Variants in OPCML observed in about 807,000 individuals in gnomAD.
OPCML encodes the protein opioid binding protein/cell adhesion molecule like.
OPCML carries 13 observed loss-of-function variants against 37.8 expected under a neutral mutation model. That is an observed-to-expected ratio of 0.34 (90% confidence interval 0.22 to 0.55). The LOEUF (loss-of-function observed/expected upper bound fraction) is 0.55. Among genes scored for constraint, OPCML ranks in the 20% least tolerant of loss-of-function variants. The pLI, the probability that OPCML is intolerant of heterozygous loss-of-function variation, is 0.91. For synonymous variants in OPCML, 176 were observed against 168.8 expected, an observed-to-expected ratio of 1.04 and a Z score of -0.33; for missense variants, 341 against 435.6, an observed-to-expected ratio of 0.78 and a Z score of 1.93.
chr11:133,182,495 G>C (rs559081505), intron 1 of OPCML, among the ~76,000 whole-genome samples: 2 of 152,158 alleles, frequency 1.3e-5, no homozygotes, highest in Non-Finnish European at 2.9e-5. Flanking sequence ...GGAAAAAAAG[G>C]AAGAGACAAT....
intron 1 of OPCML, among the ~76,000 whole-genome samples, chr11:132,944,863 T>A (rs1945711464): frequency 6.6e-6 from 1 of 152,232 alleles, no homozygotes; most frequent in Non-Finnish European, 1.5e-5. Flanking sequence ...TCTGCTCTAC[T>A]GTATTTTCTC....
At chr11:132,579,532 CA>C (rs1161717490) in intron 3 of OPCML, among the ~76,000 whole-genome samples, 2 of 151,974 alleles carry the variant, frequency 1.3e-5, no homozygotes, top group Non-Finnish European at 2.9e-5. Context: ...GCAGAAATGC[CA>C]AGGAAAACCC....
At chr11:132,556,329 T>C (rs1442609847) in intron 3 of OPCML, among the ~76,000 whole-genome samples, 1 of 152,170 alleles carries the variant, frequency 6.6e-6, no homozygotes, top group Admixed American at 6.5e-5. Context: ...TAGGGGTCTA[T>C]CTTACTTGAT....
intron 3 of OPCML, among the ~76,000 whole-genome samples, chr11:132,592,006 G>C (rs2096485231): frequency 6.6e-6 from 1 of 152,216 alleles, no homozygotes; most frequent in Non-Finnish European, 1.5e-5. Flanking sequence ...AGAAAGTATA[G>C]ATTCTGTTTC....
chr11:132,976,296 G>C (rs1946462760), intron 1 of OPCML, among the ~76,000 whole-genome samples: 1 of 152,176 alleles, frequency 6.6e-6, no homozygotes, highest in Non-Finnish European at 1.5e-5. Context: ...AATGAGGTGG[G>C]GGGAGGGGTT....
rs140133266 is a variant in OPCML at position 133,435,586 on chromosome 11, A to G, written c.61+96678T>C. On this transcript the variant is annotated intron_variant, in intron 1 of 7. Transcript: ENST00000524381. ...CTCATTCATTATTAATAGGCTTTCTAGAGATCAAAAAAGTGGATTCCAATT... is the reference window on the plus strand; with the variant it reads ...CTCATTCATTATTAATAGGCTTTCTGGAGATCAAAAAAGTGGATTCCAATT... 4.0e-3 allele frequency among the ~76,000 whole-genome samples: 603 copies of G among 152,348 alleles called. 4 individuals carry two copies. Among genetic ancestry groups the G allele is most frequent in the African/African-American group, 0.013 (524 of 41,580 alleles).
At chr11:133,011,035 T>A (rs536060337) in intron 1 of OPCML, among the ~76,000 whole-genome samples, 4 of 152,230 alleles carry the variant, frequency 2.6e-5, no homozygotes, top group African/African-American at 4.8e-5. Context: ...GTAGGTAAAC[T>A]GTTGCAAGTT....
intron 3 of OPCML, among the ~76,000 whole-genome samples, chr11:132,650,330 G>A (rs1434872975): frequency 6.6e-6 from 1 of 152,148 alleles, no homozygotes; most frequent in Non-Finnish European, 1.5e-5. Flanking sequence ...GTGAAAGTAG[G>A]AGAGACACAG....
chr11:132,589,845 G>A (rs2096481419), intron 3 of OPCML, among the ~76,000 whole-genome samples: 1 of 152,220 alleles, frequency 6.6e-6, no homozygotes, highest in Non-Finnish European at 1.5e-5. Context: ...TTTCTGGGAA[G>A]TTGTTAAATT....
intron 1 of OPCML, among the ~76,000 whole-genome samples, chr11:133,244,857 A>C (rs1027816086): frequency 2.6e-5 from 4 of 152,180 alleles, no homozygotes; most frequent in African/African-American, 9.7e-5. Flanking sequence ...TAAATTACCC[A>C]GTCTGAAGTA....
intron 1 of OPCML, among the ~76,000 whole-genome samples, chr11:133,266,138 T>C (rs191514307): frequency 5.3e-4 from 81 of 152,278 alleles, no homozygotes; most frequent in South Asian, 1.7e-3. Flanking sequence ...AAACCTGTTT[T>C]GTTAAAGAAA....
chr11:132,957,269 C>CT (rs113265095), intron 1 of OPCML, among the ~76,000 whole-genome samples: 9,316 of 152,096 alleles, frequency 0.061, 329 homozygotes, highest in African/African-American at 0.1. Context: ...TTCCTTCCAC[C>CT]TCCAGGCATT....
At chr11:132,862,312 G>A (rs560759289) in intron 2 of OPCML, among the ~76,000 whole-genome samples, 1 of 152,200 alleles carries the variant, frequency 6.6e-6, no homozygotes, top group South Asian at 2.1e-4. Flanking sequence ...CAAGTTTCGG[G>A]TAGGCTGGGT....
chr11:133,083,281 G>A (rs907380453), intron 1 of OPCML, among the ~76,000 whole-genome samples: 13 of 152,170 alleles, frequency 8.5e-5, no homozygotes, highest in African/African-American at 3.1e-4. Flanking sequence ...GGCGCGCGCT[G>A]TGGTCTCACT....
At chr11:132,804,284 G>A (rs1426616329) in intron 2 of OPCML, among the ~76,000 whole-genome samples, 1 of 152,178 alleles carries the variant, frequency 6.6e-6, no homozygotes, top group African/African-American at 2.4e-5. Flanking sequence ...AGTTAAAGCA[G>A]AGTACTATGT....
intron 1 of OPCML, among the ~76,000 whole-genome samples, chr11:133,076,657 C>G (rs1948625409): frequency 6.6e-6 from 1 of 152,066 alleles, no homozygotes; most frequent in Non-Finnish European, 1.5e-5. Flanking sequence ...AGACACCCCA[C>G]CCCCCGCATA....
intron 1 of OPCML, among the ~76,000 whole-genome samples, chr11:133,374,289 C>T (rs990911772): frequency 6.6e-6 from 1 of 152,094 alleles, no homozygotes; most frequent in Non-Finnish European, 1.5e-5. Context: ...ACTCTAGTGT[C>T]TGGAAATAGA....
intron 2 of OPCML, among the ~76,000 whole-genome samples, chr11:132,839,661 C>A (rs1001570126): frequency 6.6e-6 from 1 of 152,150 alleles, no homozygotes; most frequent in African/African-American, 2.4e-5. Flanking sequence ...AATCTGAAAT[C>A]CTTCCTCCAC....
intron 4 of OPCML, among the ~76,000 whole-genome samples, chr11:132,458,119 C>T (rs951970645): frequency 1.2e-4 from 19 of 152,048 alleles, no homozygotes; most frequent in Non-Finnish European, 2.6e-4. Flanking sequence ...TCTTGGGTAA[C>T]ACATAAGCTG....
Sources: allele counts gnomAD v4.1 joint callset (sites outside exome capture counted in the v4.1 genomes callset), GRCh38; gene constraint gnomAD v4.1.1; transcripts MANE v1.5; gene names NCBI Gene and HGNC (gene_info 2026-07-23, HGNC 2026-07-21).